ATAD1: variants seen among roughly 807,000 people sequenced by gnomAD.
ATAD1 encodes the protein ATPase family AAA domain containing 1, also known as outer mitochondrial transmembrane helix translocase.
Under a neutral mutation model 42.7 loss-of-function variants are expected in ATAD1, and 18 were observed. The ratio of observed to expected loss-of-function variants is 0.42; its 90% CI spans 0.29 to 0.63. ATAD1 has a LOEUF of 0.63. Ranked by LOEUF, ATAD1 falls within the 20% of genes least tolerant of loss-of-function variation. The probability of loss-of-function intolerance (pLI) is 0.19; values close to 1 mark genes in which losing one functional copy is unlikely to be tolerated. For missense variants in ATAD1, 294 were observed against 440.4 expected (o/e 0.67, Z 2.98); for synonymous variants, 132 against 143.1 (o/e 0.92, Z 0.55).
intron 1 of ATAD1, among the ~76,000 whole-genome samples, chr10:87,827,140 T>C (rs1032456346): frequency 6.6e-6 from 1 of 152,250 alleles, no homozygotes; most frequent in African/African-American, 2.4e-5. Flanking sequence ...GCTGTTTTAT[T>C]CAGTATTTAA....
At chr10:87,760,536 C>T (rs188467017) in intron 8 of ATAD1, among the ~76,000 whole-genome samples, 1 of 152,082 alleles carries the variant, frequency 6.6e-6, no homozygotes, top group Non-Finnish European at 1.5e-5. Context: ...TCAGGTAGTT[C>T]TTTATAGCGG....
At chr10:87,792,884 G>C (rs1856196292) in intron 2 of ATAD1, 129 bp from the exon 3 acceptor site, 3 of 695,830 alleles carry the variant, frequency 4.3e-6, no homozygotes, top group African/African-American at 1.8e-5. Flanking sequence ...GGATATTCTA[G>C]GCCCCTTGAT....
chr10:87,767,581 T>C, intron 8 of ATAD1, 92 bp downstream of exon 8: 1 of 1,197,772 alleles, frequency 8.3e-7, no homozygotes. Flanking sequence ...TTGGGGTATA[T>C]CATTCTCAGA....
intron 1 of ATAD1, among the ~76,000 whole-genome samples, chr10:87,815,299 G>A (rs1400907571): frequency 6.6e-6 from 1 of 151,934 alleles, no homozygotes; most frequent in Non-Finnish European, 1.5e-5. Context: ...TGAGATAAAT[G>A]TGCCTATTTT....
In ATAD1 at chr10:87,808,881, A is replaced by G. The variant is rs971263796; in HGVS notation, c.162+5557T>C. ...ATTACAGACTACTATAGGTTTTAGA[A>G]CTGTAGTTATGCTAGCCTCACAAAA... On this transcript the variant is annotated intron_variant, in intron 2 of 9. Coordinates refer to ENST00000680024, the MANE Select transcript of ATAD1 (RefSeq NM_001321967.2). Among the ~76,000 whole-genome samples, 21 of 152,280 alleles carry G rather than the reference A, an allele frequency of 1.4e-4. No homozygotes were observed. In the East Asian group the frequency reaches 4.0e-3, roughly 29 times the overall value.
intron 9 of ATAD1, among the ~76,000 whole-genome samples, chr10:87,756,213 A>G (rs1490361775): frequency 6.6e-6 from 1 of 152,184 alleles, no homozygotes; most frequent in Admixed American, 6.5e-5. Flanking sequence ...ACCAAGAATC[A>G]CAGAAATTGT....
intron 2 of ATAD1, among the ~76,000 whole-genome samples, chr10:87,795,634 T>C (rs1461673258): frequency 1.3e-5 from 2 of 152,096 alleles, no homozygotes; most frequent in Admixed American, 1.3e-4. Context: ...TTTCACACTA[T>C]TTTTTACCCT....
At chr10:87,792,807 C>A (rs766871296) in intron 2 of ATAD1, 52 bp from the exon 3 acceptor site, 7 of 1,326,994 alleles carry the variant, frequency 5.3e-6, no homozygotes, top group Non-Finnish European at 7.6e-6. Flanking sequence ...TAGATACTGG[C>A]ACTTCGAAAT....
At chr10:87,817,394 C>T (rs759853707) in intron 1 of ATAD1, among the ~76,000 whole-genome samples, 8 of 152,176 alleles carry the variant, frequency 5.3e-5, no homozygotes, top group Non-Finnish European at 1.0e-4. Context: ...AACTAAGAAA[C>T]ATCCTAAAAC....
intron 2 of ATAD1, among the ~76,000 whole-genome samples, chr10:87,793,637 C>T (rs1171387478): frequency 1.3e-5 from 2 of 152,152 alleles, no homozygotes; most frequent in Non-Finnish European, 2.9e-5. Context: ...GACTACCACA[C>T]ATATTTGCCC....
intron 2 of ATAD1, among the ~76,000 whole-genome samples, chr10:87,809,175 T>C (rs1283773590): frequency 1.3e-5 from 2 of 152,214 alleles, no homozygotes; most frequent in Non-Finnish European, 1.5e-5. Flanking sequence ...GACGTAACAG[T>C]TGACCCTTAC....
chr10:87,767,539 T>C, intron 8 of ATAD1, 134 bp downstream of exon 8: 1 of 824,202 alleles, frequency 1.2e-6, no homozygotes, highest in Non-Finnish European at 2.0e-6. Flanking sequence ...CATAGACCAG[T>C]ACCAGTCTGT....
chr10:87,792,463 C>T (rs1425169229), intron 3 of ATAD1, among the ~76,000 whole-genome samples, 194 bp downstream of exon 3: 1 of 152,152 alleles, frequency 6.6e-6, no homozygotes, highest in Non-Finnish European at 1.5e-5. Context: ...CCCATGCCCC[C>T]TTCCCTTTGC....
chr10:87,835,048 T>C (rs1009761729), intron 1 of ATAD1, among the ~76,000 whole-genome samples: 1 of 152,100 alleles, frequency 6.6e-6, no homozygotes, highest in Non-Finnish European at 1.5e-5. Context: ...ATAATGTTTA[T>C]AAATGTTTGG....
intron 4 of ATAD1, among the ~76,000 whole-genome samples, chr10:87,789,305 T>C (rs548988223): frequency 1.3e-5 from 2 of 152,338 alleles, no homozygotes; most frequent in Admixed American, 1.3e-4. Context: ...TTCTGCTAGA[T>C]GAAAATAAGC....
chr10:87,768,040 AT>A (rs199999118), intron 7 of ATAD1, among the ~76,000 whole-genome samples: 4 of 151,858 alleles, frequency 2.6e-5, no homozygotes, highest in African/African-American at 9.7e-5. Flanking sequence ...AGCAATCTTC[AT>A]TTTTTTTCCC....
chr10:87,771,284 AAAGT>A (rs1176978773), intron 6 of ATAD1, among the ~76,000 whole-genome samples: 1 of 152,170 alleles, frequency 6.6e-6, no homozygotes, highest in Non-Finnish European at 1.5e-5. Context: ...TCTAGAAATT[AAAGT>A]ATGTAATGTT....
intron 8 of ATAD1, chr10:87,759,620 T>C (rs1463817575): frequency 3.0e-6 from 1 of 337,090 alleles, no homozygotes; most frequent in African/African-American, 2.2e-5. Context: ...GTTAGAAAGA[T>C]GAACCAACCA....
chr10:87,805,088 TA>T (rs1856861632), intron 2 of ATAD1, among the ~76,000 whole-genome samples: 1 of 152,226 alleles, frequency 6.6e-6, no homozygotes, highest in Non-Finnish European at 1.5e-5. Context: ...GTATTGCCTT[TA>T]AAATCACATG....
Sources: gnomAD v4.1 joint callset for allele counts (sites outside exome capture counted in the v4.1 genomes callset) on GRCh38, gnomAD v4.1.1 for gene constraint, MANE v1.5 for transcripts, NCBI Gene and HGNC (gene_info 2026-07-23, HGNC 2026-07-21) for gene names.